Variants in SNTG2 observed in about 807,000 individuals in gnomAD.
SNTG2 encodes gamma-2-syntrophin.
SNTG2 carries 74 observed loss-of-function variants against 70.9 expected under a neutral mutation model. The observed-to-expected ratio is 1.04, with a 90% CI of 0.86 to 1.27. The LOEUF (loss-of-function observed/expected upper bound fraction) is 1.27. SNTG2 is among the 50% of genes most tolerant of loss of function. The pLI, the probability that SNTG2 is intolerant of heterozygous loss-of-function variation, is 0.00. For synonymous variants in SNTG2, 278 were observed against 273.8 expected, an observed-to-expected ratio of 1.02 and a Z score of -0.15; for missense variants, 717 against 690.7, an observed-to-expected ratio of 1.04 and a Z score of -0.43.
intron 14 of SNTG2, among the ~76,000 whole-genome samples, chr2:1,305,469 C>A (rs1680633442): frequency 6.6e-6 from 1 of 152,120 alleles, no homozygotes; most frequent in South Asian, 2.1e-4. Flanking sequence ...GTGTGTGTGC[C>A]AATTAGAGTT....
chr2:1,035,558 G>C (rs1661083836), intron 1 of SNTG2, among the ~76,000 whole-genome samples: 1 of 152,168 alleles, frequency 6.6e-6, no homozygotes, highest in South Asian at 2.1e-4. Flanking sequence ...TACTTCAGCG[G>C]CCGGTGTTTT....
chr2:1,142,129 G>A (rs1183235951), intron 6 of SNTG2, among the ~76,000 whole-genome samples: 3 of 152,278 alleles, frequency 2.0e-5, no homozygotes, highest in Non-Finnish European at 4.4e-5. Flanking sequence ...TGAGAGCCCA[G>A]GCCTCTTTAC....
intron 4 of SNTG2, among the ~76,000 whole-genome samples, 188 bp from the exon 5 acceptor site, chr2:1,137,434 A>C (rs1281432950): frequency 6.6e-6 from 1 of 151,236 alleles, no homozygotes; most frequent in African/African-American, 2.4e-5. Context: ...ACACATGCAC[A>C]CACATGCATA....
chr2:1,238,139 T>A (rs928642855), intron 10 of SNTG2, 122 bp downstream of exon 10: 1 of 1,281,578 alleles, frequency 7.8e-7, no homozygotes, highest in Non-Finnish European at 1.1e-6. Flanking sequence ...CTTGTTTCAA[T>A]GTGTCAAATC....
chr2:1,072,084 A>C (rs1274602925), intron 1 of SNTG2, among the ~76,000 whole-genome samples: 1 of 152,212 alleles, frequency 6.6e-6, no homozygotes. Context: ...GAGAAGCTGC[A>C]GCAAGTTATT....
chr2:1,034,548 T>C (rs915473601), intron 1 of SNTG2, among the ~76,000 whole-genome samples: 2 of 152,224 alleles, frequency 1.3e-5, no homozygotes, highest in Non-Finnish European at 2.9e-5. Context: ...CCTTCCACAA[T>C]GGTTGAACTA....
chr2:1,097,330 G>C lies in SNTG2; in HGVS notation c.211-866G>C, dbSNP rs1362101245. ...CCTTTTACTTCTTTGTCCTTGCTTT[G>C]CACAGCAGATTCCTTTCAGAGCCAT... On this transcript the variant is annotated intron_variant, in intron 2 of 16. Coordinates refer to ENST00000308624, the MANE Select transcript of SNTG2 (RefSeq NM_018968.4). The surrounding 1 kb of genome is among the most constrained non-coding windows in gnomAD (Gnocchi z 4.1). Among the ~76,000 whole-genome samples the C allele has an allele frequency of 6.6e-6, 1 of 152,188 alleles. No individual in the cohort carries two copies. The highest frequency in any genetic ancestry group is 1.5e-5 in the Non-Finnish European group (1 of 68,026).
intron 12 of SNTG2, among the ~76,000 whole-genome samples, chr2:1,252,987 C>T (rs1292030937): frequency 6.6e-6 from 1 of 152,116 alleles, no homozygotes; most frequent in Non-Finnish European, 1.5e-5. Flanking sequence ...TCTTACTTTG[C>T]CCAGATCTAA....
chr2:1,084,627 C>T (rs1033594471), intron 2 of SNTG2, among the ~76,000 whole-genome samples: 4 of 152,180 alleles, frequency 2.6e-5, no homozygotes, highest in Admixed American at 6.5e-5. Flanking sequence ...CATCTGTCTT[C>T]GTCTGTTTGA....
In SNTG2 at chr2:1,161,966, T is replaced by C. The variant is rs561908281; in HGVS notation, c.412-3582T>C. On this transcript the variant is annotated intron_variant, in intron 6 of 16. Transcript: ENST00000308624. ...GCGGGCGCCTGTAGTCCCAGCTACT[T>C]GGGAGGCTGAGGCAGGAGAATTGTG... 2.6e-3 allele frequency among the ~76,000 whole-genome samples: 369 copies of C among 142,668 alleles called. 1 individual carries two copies. Among genetic ancestry groups the C allele is most frequent in the Middle Eastern group, 4.1e-3 (1 of 244 alleles). The allele number at this position is 142,668 out of a possible 152,430, so 93.6% of individuals were successfully genotyped here.
chr2:1,075,780 G>A (rs1049687430), intron 1 of SNTG2, among the ~76,000 whole-genome samples: 2 of 152,144 alleles, frequency 1.3e-5, no homozygotes, highest in African/African-American at 4.8e-5. Flanking sequence ...CCAAAAAATG[G>A]TTTCATTTGT....
chr2:1,109,817 G>C (rs770608085), intron 4 of SNTG2, among the ~76,000 whole-genome samples: 5 of 152,122 alleles, frequency 3.3e-5, no homozygotes, highest in Admixed American at 6.5e-5. Context: ...GTGTATATTC[G>C]GGAGACAAAT....
rs114835360 is a variant in SNTG2 at position 1,296,146 on chromosome 2, T to C, written c.1285-12348T>C. ...GGTGGGAGGGTCAGGCAGACGTCAC[T>C]ATCAGTTGCTTCCACTTGGTAAGCC... On this transcript the variant is annotated intron_variant, in intron 14 of 16. Coordinates refer to ENST00000308624, the MANE Select transcript of SNTG2 (RefSeq NM_018968.4). Among the ~76,000 whole-genome samples, 622 of 152,114 alleles carry C rather than the reference T, an allele frequency of 4.1e-3. 4 individuals carry two copies. The highest frequency in any genetic ancestry group is 0.014 in the African/African-American group (585 of 41,414).
chr2:1,327,921 A>G (rs1681822544), intron 16 of SNTG2, among the ~76,000 whole-genome samples: 1 of 151,940 alleles, frequency 6.6e-6, no homozygotes, highest in South Asian at 2.1e-4. Flanking sequence ...TTATAAAGAA[A>G]AGAGATATAC....
chr2:1,165,391 T>C (rs1670638869), intron 6 of SNTG2, among the ~76,000 whole-genome samples, 157 bp from the exon 7 acceptor site: 1 of 152,148 alleles, frequency 6.6e-6, no homozygotes, highest in Admixed American at 6.5e-5. Context: ...ACCACTCTTC[T>C]TTACTCCAGC....
chr2:1,334,287 A>T (rs1457783330), intron 16 of SNTG2, among the ~76,000 whole-genome samples: 1 of 152,202 alleles, frequency 6.6e-6, no homozygotes, highest in Non-Finnish European at 1.5e-5. Flanking sequence ...CAAAAAGTTA[A>T]AAAACAATAG....
chr2:1,296,801 G>T (rs1464657367), intron 14 of SNTG2, among the ~76,000 whole-genome samples: 1 of 152,208 alleles, frequency 6.6e-6, no homozygotes, highest in Non-Finnish European at 1.5e-5. Context: ...CACCATCTTT[G>T]AAGAGTTCTG....
chr2:1,177,350 C>T (rs1025602183), intron 8 of SNTG2, among the ~76,000 whole-genome samples: 1 of 151,960 alleles, frequency 6.6e-6, no homozygotes, highest in Non-Finnish European at 1.5e-5. Context: ...GGAGGGAGAG[C>T]ATCAAGAAAA....
At chr2:1,101,549 G>A (rs1665781051) in intron 4 of SNTG2, among the ~76,000 whole-genome samples, 4 of 152,172 alleles carry the variant, frequency 2.6e-5, no homozygotes, top group Admixed American at 2.6e-4. Context: ...AGAGCCCCTG[G>A]GTTGTCCTGA....
Sources: allele counts gnomAD v4.1 joint callset (sites outside exome capture counted in the v4.1 genomes callset), GRCh38; gene constraint gnomAD v4.1.1; non-coding constraint Gnocchi (gnomAD v3.1); transcripts MANE v1.5; gene names NCBI Gene and HGNC (gene_info 2026-07-23, HGNC 2026-07-21).